CHMP7: variants seen among roughly 807,000 people sequenced by gnomAD.
The protein encoded by CHMP7 is CHMP family, member 7.
In CHMP7, 15 loss-of-function variants were observed where a neutral mutation model predicts 53.7. The ratio of observed to expected loss-of-function variants is 0.28; its 90% CI spans 0.19 to 0.43. The LOEUF is 0.43. CHMP7 is among the 20% of genes least tolerant of loss of function. The pLI is 1.00. For missense variants in CHMP7, 527 were observed against 569.4 expected (o/e 0.93, Z 0.76); for synonymous variants, 261 against 228.0 (o/e 1.14, Z -1.30).
intron 3 of CHMP7, among the ~76,000 whole-genome samples, chr8:23,251,966 T>C (rs1406113683): frequency 6.6e-6 from 1 of 152,160 alleles, no homozygotes; most frequent in Non-Finnish European, 1.5e-5. Context: ...TTCAAAAGTT[T>C]GTAATAAGTT....
At chr8:23,247,015 A>AG in intron 2 of CHMP7, 21 bp downstream of exon 2, 1 of 1,433,006 alleles carries the variant, frequency 7.0e-7, no homozygotes, top group Non-Finnish European at 9.2e-7. Context: ...GGCTGGGGCC[A>AG]GGGCCGCGAG....
intron 3 of CHMP7, among the ~76,000 whole-genome samples, chr8:23,254,408 G>A (rs1395064528): frequency 6.6e-6 from 1 of 151,778 alleles, no homozygotes; most frequent in African/African-American, 2.4e-5. Context: ...GTTTTGTTCT[G>A]TTTGAGACAG....
In CHMP7 at chr8:23,259,365, A is replaced by AT. The variant is rs371807011; in HGVS notation, c.1120+253dup. On this transcript the variant is annotated intron_variant, in intron 9 of 10. Coordinates refer to ENST00000397677, the MANE Select transcript of CHMP7 (RefSeq NM_152272.5). ...TTGTATTTTTAGTAGAGACGGGGTC[A>AT]TTTTTTTTTTTTTTAGATGGAGTCT... 1.8e-3 allele frequency among the ~76,000 whole-genome samples: 161 copies of AT among 89,424 alleles called. 1 individual carries two copies. The highest frequency in any genetic ancestry group is 4.0e-3 in the South Asian group (12 of 2,984). The allele number at this position is 89,424 out of a possible 152,430, so 58.7% of individuals were successfully genotyped here.
At chr8:23,248,033 A>T (rs1801778972) in intron 2 of CHMP7, 1 of 455,730 alleles carries the variant, frequency 2.2e-6, no homozygotes, top group Admixed American at 2.4e-5. Context: ...GATGGTCTCG[A>T]ACTCCTGCAC....
chr8:23,260,606 C>G lies in CHMP7; in HGVS notation c.*7C>G, dbSNP rs748012794. The G allele has an allele frequency of 5.0e-6, 8 of 1,610,336 alleles. No individual in the cohort carries two copies. Among genetic ancestry groups the G allele is most frequent in the Non-Finnish European group, 6.8e-6 (8 of 1,176,638 alleles). On this transcript the variant is annotated 3_prime_UTR_variant, in exon 11 of 11. Coordinates refer to ENST00000397677, the MANE Select transcript of CHMP7 (RefSeq NM_152272.5). ...GACTCTAAAGCCATTGTAGGACCCT[C>G]AAGTGAAGGACCCTCATGTAAAAGA...
Position 23,256,448 on chromosome 8 carries a change from C to T in CHMP7, c.658-12C>T, listed in dbSNP as rs1338596810. The T allele has an allele frequency of 9.4e-6, 15 of 1,593,730 alleles. No homozygotes were observed. Among genetic ancestry groups the T allele is most frequent in the Non-Finnish European group, 1.2e-5 (14 of 1,161,764 alleles). ...GTGGTAGCAGCAGTAGTAATTTCTC[C>T]CTGTCCCTCAGATTGTGAAGTTTGC... On this transcript the variant is annotated splice_polypyrimidine_tract_variant and intron_variant, in intron 4 of 10. Transcript: ENST00000397677.
At chr8:23,250,202 C>T (rs1416484383) in intron 3 of CHMP7, among the ~76,000 whole-genome samples, 2 of 152,176 alleles carry the variant, frequency 1.3e-5, no homozygotes, top group African/African-American at 4.8e-5. Context: ...TCTCTGCGGG[C>T]ACTTCACTGA....
chr8:23,259,081 G>C lies in CHMP7; in HGVS notation c.1075G>C (p.Asp359His). 1.2e-6 allele frequency: 2 copies of C among 1,608,936 alleles called. No homozygotes were observed. The highest frequency in any genetic ancestry group is 1.7e-6 in the Non-Finnish European group (2 of 1,175,392). The change falls in exon 9 of 11, where the codon GAT (aspartate) becomes CAT (histidine). Residue 359 changes from aspartate (D) to histidine (H), a missense_variant. Coordinates refer to ENST00000397677, the MANE Select transcript of CHMP7 (RefSeq NM_152272.5). ...DQIQELCDTQ[D>H]EVSQTLAGGV... ...TCTCTTACAGCTCTGTGACACCCAG[G>C]ATGAAGTTTCTCAGACTCTGGCTGG...
intron 2 of CHMP7, 111 bp downstream of exon 2, chr8:23,247,105 GC>G: frequency 9.1e-7 from 1 of 1,093,042 alleles, no homozygotes; most frequent in Non-Finnish European, 1.2e-6. Flanking sequence ...CCAGTGTCTG[GC>G]CCAGAGAAGG....
At position 23,258,434 on chromosome 8, in the gene CHMP7, C is replaced by T. The variant is rs1027008538; in HGVS notation, c.945C>T (p.Ser315=). Residue 315 remains serine (S), a synonymous_variant, in exon 7 of 11, where the codon TCC becomes TCT. Coordinates refer to ENST00000397677, the MANE Select transcript of CHMP7 (RefSeq NM_152272.5). ...GCATCCTGGACCGGATCTATGCCTCCCAGACAGATCAGATGGTAGTCACTC... is the reference window on the plus strand; with the variant it reads ...GCATCCTGGACCGGATCTATGCCTCTCAGACAGATCAGATGGTAGTCACTC... ...VQGILDRIYA[S]QTDQMVFNAY... The T allele has an allele frequency of 2.5e-6, 4 of 1,614,080 alleles. No homozygotes were observed. The African/African-American group carries it at 4.0e-5, about 16-fold the overall frequency.
rs1241226209 is a variant in CHMP7 at position 23,261,996 on chromosome 8, A to G, written c.*1397A>G. On this transcript the variant is annotated 3_prime_UTR_variant, in exon 11 of 11. Coordinates refer to ENST00000397677, the MANE Select transcript of CHMP7 (RefSeq NM_152272.5). Reference sequence around the variant, plus strand: ...TAAATAATTAAAAGAAAAACCGAACACTTGTCCCGTCTCCTCTTTAGGTTT... The same window carrying G: ...TAAATAATTAAAAGAAAAACCGAACGCTTGTCCCGTCTCCTCTTTAGGTTT... 2 of 152,242 alleles carry G rather than the reference A, an allele frequency of 1.3e-5. No individual in the cohort carries two copies. Among genetic ancestry groups the G allele is most frequent in the Non-Finnish European group, 2.9e-5 (2 of 68,046 alleles). 9.4% of individuals were successfully genotyped at this position (152,242 alleles called of 1,614,324 possible).
chr8:23,257,629 C>T (rs1439187740), intron 5 of CHMP7, among the ~76,000 whole-genome samples: 1 of 152,238 alleles, frequency 6.6e-6, no homozygotes, highest in African/African-American at 2.4e-5. Flanking sequence ...TAAAGACACA[C>T]CCTCTGGCAG....
intron 2 of CHMP7, chr8:23,248,020 C>T (rs1036050771): frequency 6.6e-6 from 3 of 455,570 alleles, no homozygotes; most frequent in Non-Finnish European, 8.8e-6. Flanking sequence ...TGATATTGCC[C>T]AGGATGGTCT....
intron 1 of CHMP7, among the ~76,000 whole-genome samples, chr8:23,245,652 G>T (rs896338351): frequency 6.6e-6 from 1 of 152,182 alleles, no homozygotes; most frequent in Non-Finnish European, 1.5e-5. Context: ...CAGTTGGGAA[G>T]TATTCCTTTT....
chr8:23,247,056 G>T (rs1801727882), intron 2 of CHMP7, 62 bp downstream of exon 2: 4 of 1,430,076 alleles, frequency 2.8e-6, no homozygotes, highest in African/African-American at 2.9e-5. Context: ...GGAGGGCCGG[G>T]CCCTGGTCCT....
chr8:23,246,408 T>C lies in CHMP7; in HGVS notation c.-288T>C, dbSNP rs1452331691. On this transcript the variant is annotated 5_prime_UTR_variant, in exon 2 of 11. Transcript: ENST00000397677. ...GAAGGAGACGTAAGGTGCAGCCACC[T>C]GCCGCGCAGGCGCAAGCCTTTCTTT... 6.5e-6 allele frequency: 3 copies of C among 462,272 alleles called. No individual in the cohort carries two copies. The highest frequency in any genetic ancestry group is 3.9e-6 in the Non-Finnish European group (1 of 258,080). 28.6% of individuals were successfully genotyped at this position (462,272 alleles called of 1,614,324 possible).
Position 23,258,455 on chromosome 8 carries a change from C to T in CHMP7, c.960+6C>T. The T allele has an allele frequency of 6.2e-7, 1 of 1,613,920 alleles. No individual in the cohort carries two copies. Among genetic ancestry groups the T allele is most frequent in the Non-Finnish European group, 8.5e-7 (1 of 1,179,994 alleles). ...CCTCCCAGACAGATCAGATGGTAGT[C>T]ACTCCCCTCTACTCCAGCACTTGGC... On this transcript the variant is annotated splice_donor_region_variant and intron_variant, in intron 7 of 10. Coordinates refer to ENST00000397677, the MANE Select transcript of CHMP7 (RefSeq NM_152272.5).
chr8:23,255,648 C>T (rs138154314), intron 4 of CHMP7, among the ~76,000 whole-genome samples: 263 of 152,238 alleles, frequency 1.7e-3, no homozygotes, highest in African/African-American at 5.2e-3. Flanking sequence ...CGTAGTATCC[C>T]GCCTGTATGC....
intron 10 of CHMP7, 106 bp from the exon 11 acceptor site, chr8:23,260,432 G>C: frequency 6.6e-7 from 1 of 1,506,808 alleles, no homozygotes. Flanking sequence ...GAGCCCTGTA[G>C]GGAGTTGAGG....
Sources: allele counts gnomAD v4.1 joint callset (sites outside exome capture counted in the v4.1 genomes callset), GRCh38; gene constraint gnomAD v4.1.1; transcripts MANE v1.5; gene names NCBI Gene and HGNC (gene_info 2026-07-23, HGNC 2026-07-21).